DECR1: variants seen among roughly 807,000 people sequenced by gnomAD.
The protein encoded by DECR1 is 2,4-dienoyl-CoA reductase [(3E)-enoyl-CoA-producing], mitochondrial.
DECR1 carries 44 observed loss-of-function variants against 38.8 expected under a neutral mutation model. The observed-to-expected ratio is 1.13, with a 90% CI of 0.89 to 1.46. The LOEUF (loss-of-function observed/expected upper bound fraction) is 1.46. Among genes scored for constraint, DECR1 ranks in the 40% most tolerant of loss-of-function variants. The pLI is 0.00. For missense variants in DECR1, 428 were observed against 405.5 expected (o/e 1.06, Z -0.48); for synonymous variants, 148 against 135.2 (o/e 1.09, Z -0.66).
At position 90,027,587 on chromosome 8, in the gene DECR1, C is replaced by G. The variant is rs181900657; in HGVS notation, c.565+6531C>G. On this transcript the variant is annotated intron_variant, in intron 5 of 9. Coordinates refer to ENST00000220764, the MANE Select transcript of DECR1 (RefSeq NM_001359.2). ...ATTTGCTTGGTAGATCTTCCTCCAT[C>G]CCTTTATTTTGAGCCTATGTGTGTC... Among the ~76,000 whole-genome samples, 841 of 152,172 alleles carry G rather than the reference C, an allele frequency of 5.5e-3. 10 individuals carry two copies. Among genetic ancestry groups the G allele is most frequent in the African/African-American group, 0.018 (744 of 41,538 alleles).
At chr8:90,041,562 C>G (rs1809258900) in intron 6 of DECR1, among the ~76,000 whole-genome samples, 2 of 152,148 alleles carry the variant, frequency 1.3e-5, no homozygotes, top group Non-Finnish European at 2.9e-5. Flanking sequence ...GATTGTTATA[C>G]TGTACAATTT....
intron 5 of DECR1, among the ~76,000 whole-genome samples, chr8:90,023,421 C>T (rs1813215125): frequency 1.3e-5 from 2 of 151,938 alleles, no homozygotes; most frequent in Non-Finnish European, 2.9e-5. Context: ...GGATTTTCTG[C>T]ATTGGTAATA....
At chr8:90,025,856 G>A (rs1259916242) in intron 5 of DECR1, among the ~76,000 whole-genome samples, 1 of 152,106 alleles carries the variant, frequency 6.6e-6, no homozygotes, top group Non-Finnish European at 1.5e-5. Context: ...TTGGCTCTGG[G>A]TTTGTCATAA....
rs551181462 is a variant in DECR1, at chr8:90,048,284, G to A, written c.885+3289G>A. On this transcript the variant is annotated intron_variant, in intron 8 of 9. Transcript: ENST00000220764. ...AAAAGACCAAAAAAATTGATAGACC[G>A]CTAGCAAGACTAATAAAGAAGAAAA... Among the ~76,000 whole-genome samples the A allele has an allele frequency of 2.1e-4, 32 of 152,032 alleles. 1 individual carries two copies. Among genetic ancestry groups the A allele is most frequent in the South Asian group, 2.1e-3 (10 of 4,802 alleles).
intron 5 of DECR1, chr8:90,029,535 A>G (rs1323234062): frequency 3.9e-5 from 6 of 152,306 alleles, no homozygotes; most frequent in Non-Finnish European, 8.8e-5. Flanking sequence ...AATAAAAACA[A>G]AGGACTGTTT....
rs1398309449 is a variant in DECR1 at position 90,043,843 on chromosome 8, TC to T, written c.739-1005del. Among the ~76,000 whole-genome samples, 6 of 152,312 alleles carry T rather than the reference TC, an allele frequency of 3.9e-5. No individual in the cohort carries two copies. In the South Asian group the frequency reaches 1.0e-3, roughly 26 times the overall value. The stretch of plus-strand genomic sequence containing the variant: ...TCAGGGTGGCCCTGTCCTAAGCATA[TC>T]TGAAAATAGGCTTATAGACACAAAC... On this transcript the variant is annotated intron_variant, in intron 7 of 9. Coordinates refer to ENST00000220764, the MANE Select transcript of DECR1 (RefSeq NM_001359.2).
chr8:90,009,160 C>A (rs1812820395), intron 1 of DECR1, among the ~76,000 whole-genome samples: 1 of 152,192 alleles, frequency 6.6e-6, no homozygotes, highest in African/African-American at 2.4e-5. Flanking sequence ...CTGACCTCTT[C>A]TCCTGCCCCT....
chr8:90,019,007 A>G (rs1015961901), intron 3 of DECR1, 41 bp downstream of exon 3: 3 of 1,578,824 alleles, frequency 1.9e-6, no homozygotes, highest in Non-Finnish European at 2.6e-6. Flanking sequence ...TTTAGGAATT[A>G]TAACATGTTC....
Position 90,036,997 on chromosome 8 carries a change from A to C in DECR1, c.665+57A>C, listed in dbSNP as rs548045695. On this transcript the variant is annotated intron_variant, in intron 6 of 9. Coordinates refer to ENST00000220764, the MANE Select transcript of DECR1 (RefSeq NM_001359.2). ...ACATAACTAATACAGTTGGTGGCTC[A>C]GGGAACTGTATTCCTGCTTTCTGGT... is the stretch of plus-strand genomic sequence containing the variant. 4.3e-5 allele frequency: 53 copies of C among 1,237,242 alleles called. No individual in the cohort carries two copies. In the East Asian group the frequency reaches 1.2e-3, roughly 28 times the overall value. 76.6% of individuals were successfully genotyped at this position (1,237,242 alleles called of 1,614,324 possible).
At chr8:90,015,998 C>T (rs746099420) in intron 1 of DECR1, among the ~76,000 whole-genome samples, 1 of 152,070 alleles carries the variant, frequency 6.6e-6, no homozygotes, top group African/African-American at 2.4e-5. Context: ...ATGTTAGCTC[C>T]TATTGTTCAT....
chr8:90,040,972 C>G (rs942199789), intron 6 of DECR1, among the ~76,000 whole-genome samples: 10 of 152,162 alleles, frequency 6.6e-5, no homozygotes, highest in Non-Finnish European at 1.3e-4. Context: ...TATTTATAAT[C>G]CTTTGAGTAT....
intron 4 of DECR1, among the ~76,000 whole-genome samples, chr8:90,019,901 CTTTA>C (rs1260498190): frequency 6.6e-6 from 1 of 152,204 alleles, no homozygotes; most frequent in Non-Finnish European, 1.5e-5. Context: ...CTTGATTTCA[CTTTA>C]TTTAATAAGA....
chr8:90,023,610 G>A (rs189551763), intron 5 of DECR1, among the ~76,000 whole-genome samples: 88 of 152,070 alleles, frequency 5.8e-4, no homozygotes, highest in Non-Finnish European at 6.0e-4. Flanking sequence ...CCTGATGCCA[G>A]GAGGAAAGCA....
intron 1 of DECR1, among the ~76,000 whole-genome samples, chr8:90,007,894 G>T (rs1431720364): frequency 6.6e-6 from 1 of 152,194 alleles, no homozygotes; most frequent in Non-Finnish European, 1.5e-5. Context: ...AGATTGAAGT[G>T]CCAGGGTAAT....
chr8:90,019,051 C>A, intron 3 of DECR1, 35 bp from the exon 4 acceptor site: 1 of 1,606,980 alleles, frequency 6.2e-7, no homozygotes, highest in Non-Finnish European at 8.5e-7. Flanking sequence ...TTTAAGAAAG[C>A]TGGAAAATGT....
chr8:90,031,514 A>G (rs1249322799), intron 5 of DECR1, among the ~76,000 whole-genome samples: 1 of 152,178 alleles, frequency 6.6e-6, no homozygotes, highest in African/African-American at 2.4e-5. Context: ...TTTAAATGAG[A>G]AAAGTGTTTC....
At chr8:90,024,582 T>C (rs1813277257) in intron 5 of DECR1, among the ~76,000 whole-genome samples, 2 of 152,262 alleles carry the variant, frequency 1.3e-5, no homozygotes, top group Non-Finnish European at 2.9e-5. Flanking sequence ...TTTTTTCTTG[T>C]AAATTTGTTT....
intron 1 of DECR1, chr8:90,005,672 T>C (rs1812721201): frequency 2.8e-6 from 1 of 353,830 alleles, no homozygotes. Context: ...ATATCAACTG[T>C]CTCTGCACAG....
At chr8:90,017,370 A>G (rs1813034891) in intron 2 of DECR1, 44 bp downstream of exon 2, 1 of 1,524,270 alleles carries the variant, frequency 6.6e-7, no homozygotes, top group Non-Finnish European at 9.0e-7. Flanking sequence ...TTTTGAAGAA[A>G]CTGTTCTGTG....
Sources: allele counts gnomAD v4.1 joint callset (sites outside exome capture counted in the v4.1 genomes callset), GRCh38; gene constraint gnomAD v4.1.1; transcripts MANE v1.5; gene names NCBI Gene and HGNC (gene_info 2026-07-23, HGNC 2026-07-21).